The following MYSM1 variants were observed in gnomAD, a reference collection of about 807,000 sequenced individuals.
MYSM1 encodes the protein Myb like, SWIRM and MPN domains 1.
A neutral mutation model predicts 116.0 loss-of-function variants in MYSM1; 51 were observed. That is an observed-to-expected ratio of 0.44 (90% confidence interval 0.35 to 0.56). MYSM1 has a LOEUF of 0.56. Among genes scored for constraint, MYSM1 ranks in the 20% least tolerant of loss-of-function variants. The pLI is 0.00. For missense variants in MYSM1, 900 were observed against 974.9 expected (o/e 0.92, Z 1.02); for synonymous variants, 313 against 315.2 (o/e 0.99, Z 0.07).
intron 12 of MYSM1, among the ~76,000 whole-genome samples, chr1:58,669,534 A>G (rs536732395): frequency 1.2e-4 from 18 of 152,284 alleles, no homozygotes; most frequent in South Asian, 4.1e-4. Flanking sequence ...AAACTCTTCA[A>G]GTGAAAAAGT....
intron 15 of MYSM1, among the ~76,000 whole-genome samples, chr1:58,667,436 G>T (rs1316499822): frequency 6.6e-6 from 1 of 152,032 alleles, no homozygotes; most frequent in Non-Finnish European, 1.5e-5. Flanking sequence ...CTCAAACAAG[G>T]TCATAATAAT....
rs1644339703 is a variant in MYSM1 at position 58,657,893 on chromosome 1, G to A, written c.*2104C>T. ...AGGGCAAGGAGACTCAGATTTGAGA[G>A]CAGAACTTTTAACAATTTCCATTAC... On this transcript the variant is annotated 3_prime_UTR_variant, in exon 20 of 20. Transcript: ENST00000472487. The A allele has an allele frequency of 6.6e-6, 1 of 152,152 alleles. No individual in the cohort carries two copies. The highest frequency in any genetic ancestry group is 2.1e-4 in the South Asian group (1 of 4,826). 9.4% of individuals were successfully genotyped at this position (152,152 alleles called of 1,614,324 possible).
At chr1:58,671,324 C>A (rs954344929) in intron 12 of MYSM1, among the ~76,000 whole-genome samples, 2 of 151,904 alleles carry the variant, frequency 1.3e-5, no homozygotes, top group African/African-American at 2.4e-5. Context: ...AAGGATTACC[C>A]GAGGACATTT....
Position 58,678,436 on chromosome 1 carries a change from GCA to G in MYSM1, c.1260-1382_1260-1381del, listed in dbSNP as rs1030128730. Among the ~76,000 whole-genome samples the G allele has an allele frequency of 1.1e-4, 17 of 152,168 alleles. No homozygotes were observed. The East Asian group carries it at 3.3e-3, about 29-fold the overall frequency. ...GCTTTAAACAGAACTCAGTAATCTA[GCA>G]CAGTGCTGAACAAATGGTAAGGACT... On this transcript the variant is annotated intron_variant, in intron 8 of 19. Transcript: ENST00000472487.
At chr1:58,675,020 C>T (rs1644628706) in intron 10 of MYSM1, among the ~76,000 whole-genome samples, 1 of 148,964 alleles carries the variant, frequency 6.7e-6, no homozygotes, top group Non-Finnish European at 1.5e-5. Flanking sequence ...TAGTAGGTCA[C>T]TTTATTTTTA....
At chr1:58,672,609 C>A (rs1644580249) in intron 11 of MYSM1, among the ~76,000 whole-genome samples, 1 of 151,926 alleles carries the variant, frequency 6.6e-6, no homozygotes, top group African/African-American at 2.4e-5. Flanking sequence ...CAACTTACAC[C>A]CTAGTCCAAA....
chr1:58,657,557 G>A lies in MYSM1; in HGVS notation c.*2440C>T, dbSNP rs993577526. 1 of 152,096 alleles carries A rather than the reference G, an allele frequency of 6.6e-6. No homozygotes were observed. Among genetic ancestry groups the A allele is most frequent in the Non-Finnish European group, 1.5e-5 (1 of 68,014 alleles). 9.4% of individuals were successfully genotyped at this position (152,096 alleles called of 1,614,324 possible). A position where few individuals can be genotyped will look rare whatever the true frequency, so the allele number is the denominator to read the frequency against. On this transcript the variant is annotated 3_prime_UTR_variant, in exon 20 of 20. Coordinates refer to ENST00000472487, the MANE Select transcript of MYSM1 (RefSeq NM_001085487.3). ...AAGAATATGACAAAAGAAAAAGGAA[G>A]CAGGGAAAATGATGGAGGAAGAGAG...
intron 1 of MYSM1, among the ~76,000 whole-genome samples, chr1:58,695,660 G>GAA (rs34226722): frequency 3.1e-4 from 43 of 137,968 alleles, no homozygotes; most frequent in Non-Finnish European, 4.7e-4. Context: ...TAAAATGAAA[G>GAA]AAAAAAAAAA....
chr1:58,681,794 A>G lies in MYSM1; in HGVS notation c.1250T>C (p.Leu417Ser). 6.3e-7 allele frequency: 1 copy of G among 1,584,168 alleles called. No homozygotes were observed. The highest frequency in any genetic ancestry group is 2.2e-5 in the East Asian group (1 of 44,734). ...TGTAATTCTTTCTTACCATTGATCCAAAATATAATTTCTAATTTTCAAATA... is the reference window on the plus strand; with the variant it reads ...TGTAATTCTTTCTTACCATTGATCCGAAATATAATTTCTAATTTTCAAATA... ...ERYLKIRNYI[L>S]DQWEICKPKY... Residue 417 changes from leucine to serine, a missense_variant, in exon 8 of 20, where the codon TTG becomes TCG. By Grantham distance (145) the Leu-to-Ser change is moderately radical. This residue lies in a region of MYSM1 where 622 missense variants were observed against 623.7 expected (regional missense o/e 1.00). Transcript: ENST00000472487.
rs193017650 is a variant in MYSM1, at chr1:58,668,301, T to C, written c.1767+331A>G. 55 of 468,882 alleles carry C rather than the reference T, an allele frequency of 1.2e-4. No individual in the cohort carries two copies. In the East Asian group the frequency reaches 3.4e-3, roughly 29 times the overall value. 29.0% of individuals were successfully genotyped at this position (468,882 alleles called of 1,614,324 possible). Reference sequence around the variant, plus strand: ...AAAACTGTTGGAGGTATCGGTAGTTTAGTAAAAACAAAAAAACCCTCCAAA... The same window carrying C: ...AAAACTGTTGGAGGTATCGGTAGTTCAGTAAAAACAAAAAAACCCTCCAAA... On this transcript the variant is annotated intron_variant, in intron 14 of 19. Coordinates refer to ENST00000472487, the MANE Select transcript of MYSM1 (RefSeq NM_001085487.3).
rs367599191 is a variant in MYSM1, at chr1:58,682,230, A to G, written c.814T>C (p.Phe272Leu). The change falls in exon 8 of 20, where the codon TTT becomes CTT. Residue 272 changes from phenylalanine to leucine, a missense_variant. Physicochemically the swap from Phe to Leu is conservative, Grantham distance 22. Around this residue, in one of 3 missense-constraint regions of MYSM1, gnomAD observed 622 missense variants for 623.7 expected, o/e 1.00. Transcript: ENST00000472487. ...FITSDSQEAL[F>L]SKSSRGCLQN... is the part of the protein sequence containing the mutation. ...AGACAGCCCCTGGAAGACTTAGAAA[A>G]GAGAGCTTCCTGGCTGTCAGAAGTA... The G allele has an allele frequency of 6.2e-7, 1 of 1,612,886 alleles. No homozygotes were observed. The highest frequency in any genetic ancestry group is 1.3e-5 in the African/African-American group (1 of 74,882).
At chr1:58,690,072 G>A (rs1569794032) in intron 5 of MYSM1, 154 bp downstream of exon 5, 1 of 596,070 alleles carries the variant, frequency 1.7e-6, no homozygotes, top group South Asian at 2.4e-5. Context: ...AATTATACTT[G>A]TGCCACTCCA....
chr1:58,698,938 A>G (rs1020207938), intron 1 of MYSM1, among the ~76,000 whole-genome samples: 1 of 152,184 alleles, frequency 6.6e-6, no homozygotes, highest in African/African-American at 2.4e-5. Context: ...TCCCCTGTTC[A>G]CAGAGGCCCT....
Position 58,689,102 on chromosome 1 carries a change from G to C in MYSM1, c.335C>G (p.Thr112Arg). 4.3e-6 allele frequency: 7 copies of C among 1,610,584 alleles called. No individual in the cohort carries two copies. Among genetic ancestry groups the C allele is most frequent in the Non-Finnish European group, 5.9e-6 (7 of 1,179,284 alleles). Residue 112 changes from threonine (T) to arginine (R), a missense_variant, in exon 6 of 20, where the codon ACA (threonine) becomes AGA (arginine). Thr to Arg is a moderately conservative substitution (Grantham distance 71, BLOSUM62 -1). Coordinates refer to ENST00000472487, the MANE Select transcript of MYSM1 (RefSeq NM_001085487.3). ...CTTTACTGAGTAACTGGCTGGTTTT[G>C]TAGGAGAGTGTACCCTGAGGGGAAA... ...KTAKIMVHSPTKPASYSVKWT... is the reference protein window; with the variant it reads ...KTAKIMVHSPRKPASYSVKWT...
chr1:58,689,975 C>T (rs1462359996), intron 5 of MYSM1, among the ~76,000 whole-genome samples: 1 of 152,064 alleles, frequency 6.6e-6, no homozygotes, highest in African/African-American at 2.4e-5. Flanking sequence ...TCCCCATAAA[C>T]CCCTGGACAA....
chr1:58,682,461 C>A lies in MYSM1; in HGVS notation c.583G>T (p.Ala195Ser). 6.2e-7 allele frequency: 1 copy of A among 1,614,086 alleles called. No homozygotes were observed. Among genetic ancestry groups the A allele is most frequent in the Non-Finnish European group, 8.5e-7 (1 of 1,180,006 alleles). Residue 195 changes from alanine (A) to serine (S), a missense_variant, in exon 8 of 20, where the codon GCA (alanine) becomes TCA (serine). Transcript: ENST00000472487. ...CCCCTTAAACATGATGGTGTCCATG[C>A]CTTTGTCCCTTTATCTTCATTTTTA... is the stretch of plus-strand genomic sequence containing the variant. Reference protein sequence around the residue: ...QVKNEDKGTKAWTPSCLRGRA... With the variant: ...QVKNEDKGTKSWTPSCLRGRA...
At chr1:58,662,736 A>G (rs1399184275) in intron 17 of MYSM1, among the ~76,000 whole-genome samples, 6 of 152,118 alleles carry the variant, frequency 3.9e-5, no homozygotes, top group Non-Finnish European at 7.4e-5. Flanking sequence ...ATGCTCTAAA[A>G]AGGCATTTTT....
rs1357051368 is a variant in MYSM1, at chr1:58,682,143, G to T, written c.901C>A (p.Gln301Lys). The change falls in exon 8 of 20, where the codon CAG (glutamine) becomes AAG (lysine). Residue 301 changes from glutamine to lysine, a missense_variant. Transcript: ENST00000472487. ...SSEITLWTEK[Q>K]SNGDKKSIEL... ...ATTGATTTTTTGTCACCATTGCTCT[G>T]TTTCTCAGTCCACAGTGTAATTTCT... 1.2e-6 allele frequency: 2 copies of T among 1,613,192 alleles called. No homozygotes were observed. The highest frequency in any genetic ancestry group is 1.7e-6 in the Non-Finnish European group (2 of 1,179,568).
At chr1:58,676,288 C>T (rs1400074040) in intron 9 of MYSM1, among the ~76,000 whole-genome samples, 3 of 151,718 alleles carry the variant, frequency 2.0e-5, no homozygotes, top group African/African-American at 7.3e-5. Flanking sequence ...TGGTGGCATG[C>T]GCCTGTAGTC....
Sources: allele counts gnomAD v4.1 joint callset (sites outside exome capture counted in the v4.1 genomes callset), GRCh38; gene constraint gnomAD v4.1.1; regional missense constraint gnomAD v4.1.1; transcripts MANE v1.5; gene names NCBI Gene and HGNC (gene_info 2026-07-23, HGNC 2026-07-21).